The following NELL1 variants were observed in gnomAD, a reference collection of about 807,000 sequenced individuals.
NELL1 encodes protein kinase C-binding protein NELL1.
NELL1 carries 76 observed loss-of-function variants against 107.4 expected under a neutral mutation model. The observed-to-expected ratio is 0.71, with a 90% CI of 0.59 to 0.86. The LOEUF (loss-of-function observed/expected upper bound fraction) is 0.86. Ranked by LOEUF, NELL1 falls within the 40% of genes least tolerant of loss-of-function variation. The pLI is 0.00. For synonymous variants in NELL1, 353 were observed against 341.2 expected, an observed-to-expected ratio of 1.03 and a Z score of -0.38; for missense variants, 1,024 against 1,005.5, an observed-to-expected ratio of 1.02 and a Z score of -0.25.
intron 2 of NELL1, among the ~76,000 whole-genome samples, chr11:20,701,265 A>G (rs1854777477): frequency 1.3e-5 from 2 of 152,128 alleles, no homozygotes; most frequent in South Asian, 4.1e-4. Context: ...CTCAGTCATG[A>G]TGAGCATTTT....
chr11:21,413,705 T>C (rs1316864882), intron 15 of NELL1, among the ~76,000 whole-genome samples: 1 of 152,046 alleles, frequency 6.6e-6, no homozygotes, highest in African/African-American at 2.4e-5. Context: ...TCTCCTCAAA[T>C]CTTACTTGTA....
intron 12 of NELL1, among the ~76,000 whole-genome samples, chr11:20,998,412 C>T (rs767446216): frequency 2.0e-5 from 3 of 152,078 alleles, no homozygotes; most frequent in Non-Finnish European, 4.4e-5. Flanking sequence ...TTGTTTGTTA[C>T]CCCTTCTGAA....
chr11:20,852,229 C>T (rs1848807854), intron 4 of NELL1, among the ~76,000 whole-genome samples: 1 of 152,180 alleles, frequency 6.6e-6, no homozygotes, highest in South Asian at 2.1e-4. Flanking sequence ...GTCACCTTGA[C>T]AGAGAGTTAA....
intron 15 of NELL1, among the ~76,000 whole-genome samples, chr11:21,471,849 A>G (rs1384176532): frequency 6.6e-6 from 1 of 152,092 alleles, no homozygotes. Context: ...ATGCATACAC[A>G]TGTGAAAAGC....
At chr11:20,966,079 C>A (rs2403648) in intron 12 of NELL1, among the ~76,000 whole-genome samples, 26,087 of 152,106 alleles carry the variant, frequency 0.17, 2,496 homozygotes, top group Middle Eastern at 0.28. Context: ...TCTCCTAAAG[C>A]TCTACTTTAG....
chr11:21,175,706 C>G (rs73454597), intron 13 of NELL1, among the ~76,000 whole-genome samples: 3,357 of 151,914 alleles, frequency 0.022, 224 homozygotes, highest in African/African-American at 0.078. Flanking sequence ...ATAGAAGAAG[C>G]TTCAGATCAT....
chr11:20,919,808 G>A (rs901056632), intron 7 of NELL1, among the ~76,000 whole-genome samples: 2 of 152,118 alleles, frequency 1.3e-5, no homozygotes, highest in East Asian at 1.9e-4. Context: ...TTTCAAGGCT[G>A]GTCCTGAGTT....
intron 12 of NELL1, among the ~76,000 whole-genome samples, chr11:21,003,542 G>A (rs1323057837): frequency 6.6e-6 from 1 of 152,118 alleles, no homozygotes; most frequent in Non-Finnish European, 1.5e-5. Flanking sequence ...AGAAAAAAAT[G>A]TCTTGCCCAT....
At chr11:21,080,403 T>C (rs1238624763) in intron 12 of NELL1, among the ~76,000 whole-genome samples, 1 of 152,140 alleles carries the variant, frequency 6.6e-6, no homozygotes, top group Non-Finnish European at 1.5e-5. Flanking sequence ...TATAGATTTA[T>C]GCATATAACC....
At chr11:21,011,716 G>A (rs759548767) in intron 12 of NELL1, among the ~76,000 whole-genome samples, 1 of 152,134 alleles carries the variant, frequency 6.6e-6, no homozygotes, top group African/African-American at 2.4e-5. Flanking sequence ...CACATGCAGA[G>A]TATTTCTTTT....
chr11:21,539,952 G>T (rs1315965938), intron 16 of NELL1, among the ~76,000 whole-genome samples: 1 of 151,918 alleles, frequency 6.6e-6, no homozygotes, highest in African/African-American at 2.4e-5. Context: ...AAAAATGCCT[G>T]TGACGGGACA....
intron 12 of NELL1, among the ~76,000 whole-genome samples, chr11:21,016,691 C>T (rs78915899): frequency 2.0e-5 from 3 of 152,176 alleles, no homozygotes; most frequent in African/African-American, 4.8e-5. Flanking sequence ...GTTAAACCTC[C>T]GGTGACCCCT....
chr11:20,922,961 G>A (rs147023159), intron 7 of NELL1, among the ~76,000 whole-genome samples: 2 of 152,222 alleles, frequency 1.3e-5, no homozygotes, highest in East Asian at 3.9e-4. Context: ...CTTAAACCTA[G>A]AAAATATAGA....
At chr11:21,563,755 T>A (rs1428506080) in intron 17 of NELL1, among the ~76,000 whole-genome samples, 2 of 151,934 alleles carry the variant, frequency 1.3e-5, no homozygotes, top group African/African-American at 2.4e-5. Flanking sequence ...CCAGAGATAC[T>A]GAGGGACGAC....
chr11:21,032,046 AAATAATAATAATAATAAT>A (rs373787726), intron 12 of NELL1, among the ~76,000 whole-genome samples: 4 of 145,518 alleles, frequency 2.7e-5, no homozygotes, highest in South Asian at 4.3e-4. Flanking sequence ...CTCCATGTCA[AAATAATAATAATAATAAT>A]AATAATAATA....
chr11:21,402,418 C>T (rs1168098096), intron 15 of NELL1, among the ~76,000 whole-genome samples: 1 of 151,784 alleles, frequency 6.6e-6, no homozygotes, highest in African/African-American at 2.4e-5. Context: ...ACAATTTTGG[C>T]ATGAAATGCT....
intron 15 of NELL1, among the ~76,000 whole-genome samples, chr11:21,401,175 C>A (rs1004306288): frequency 6.6e-6 from 1 of 151,774 alleles, no homozygotes; most frequent in Non-Finnish European, 1.5e-5. Flanking sequence ...ATAGAACATA[C>A]AAAGTGTCTT....
intron 13 of NELL1, among the ~76,000 whole-genome samples, chr11:21,180,832 A>G (rs1297585032): frequency 6.6e-6 from 1 of 151,632 alleles, no homozygotes; most frequent in East Asian, 1.9e-4. Flanking sequence ...ACTCTTTTAA[A>G]GAAATCTTTC....
intron 4 of NELL1, among the ~76,000 whole-genome samples, chr11:20,847,957 C>T (rs1848731128): frequency 6.6e-6 from 1 of 152,130 alleles, no homozygotes; most frequent in Admixed American, 6.5e-5. Flanking sequence ...TAAGATGAAA[C>T]TGTATCCCGT....
Sources: allele counts gnomAD v4.1 joint callset (sites outside exome capture counted in the v4.1 genomes callset), GRCh38; gene constraint gnomAD v4.1.1; transcripts MANE v1.5; gene names NCBI Gene and HGNC (gene_info 2026-07-23, HGNC 2026-07-21).